CATSPERE: variants seen among roughly 807,000 people sequenced by gnomAD.
The protein encoded by CATSPERE is catsper channel auxiliary subunit epsilon.
In CATSPERE, 93 loss-of-function variants were observed where a neutral mutation model predicts 114.1. The ratio of observed to expected loss-of-function variants is 0.81; its 90% CI spans 0.69 to 0.97. CATSPERE has a LOEUF of 0.97. Among genes scored for constraint, CATSPERE ranks in the 50% least tolerant of loss-of-function variants. The pLI is 0.00. For synonymous variants in CATSPERE, 341 were observed against 384.1 expected (o/e 0.89, Z 1.31); for missense variants, 1,058 against 1,131.6 (o/e 0.93, Z 0.93).
At chr1:244,488,095 A>G (rs773810825) in intron 5 of CATSPERE, among the ~76,000 whole-genome samples, 12 of 152,306 alleles carry the variant, frequency 7.9e-5, no homozygotes, top group Middle Eastern at 6.8e-3. Flanking sequence ...AAAAGGGAAA[A>G]GGATCCATGG....
At chr1:244,477,738 G>A (rs959259273) in intron 3 of CATSPERE, 124 bp downstream of exon 3, 1 of 951,790 alleles carries the variant, frequency 1.1e-6, no homozygotes, top group East Asian at 2.5e-5. Flanking sequence ...GATGTGAAAA[G>A]CAAGACAAAA....
intron 8 of CATSPERE, among the ~76,000 whole-genome samples, chr1:244,536,233 G>C (rs533077607): frequency 2.0e-5 from 3 of 151,882 alleles, no homozygotes; most frequent in African/African-American, 2.4e-5. Context: ...TTGGGGAGGG[G>C]TGGCACAAGC....
intron 9 of CATSPERE, among the ~76,000 whole-genome samples, chr1:244,558,657 C>T (rs1390881600): frequency 2.6e-5 from 4 of 152,152 alleles, no homozygotes; most frequent in Non-Finnish European, 5.9e-5. Context: ...AACTTAGCTT[C>T]CAGCTTTTTG....
chr1:244,479,795 C>A lies in CATSPERE; in HGVS notation c.326+11C>A. 1.3e-6 allele frequency: 2 copies of A among 1,484,568 alleles called. No individual in the cohort carries two copies. Among genetic ancestry groups the A allele is most frequent in the Non-Finnish European group, 1.9e-6 (2 of 1,075,610 alleles). 92.0% of individuals were successfully genotyped at this position (1,484,568 alleles called of 1,614,324 possible). A position where few individuals can be genotyped will look rare whatever the true frequency, so the allele number is the denominator to read the frequency against. Reference sequence around the variant, plus strand: ...GTACTATAGAGTTAGGTAAGTAATGCAGTACTGAATAGGTAATTATGCTTT... The same window carrying A: ...GTACTATAGAGTTAGGTAAGTAATGAAGTACTGAATAGGTAATTATGCTTT... On this transcript the variant is annotated intron_variant, in intron 5 of 21. Coordinates refer to ENST00000366534, the MANE Select transcript of CATSPERE (RefSeq NM_001130957.2).
chr1:244,520,253 T>G (rs1008013137), intron 8 of CATSPERE, among the ~76,000 whole-genome samples: 1 of 152,220 alleles, frequency 6.6e-6, no homozygotes, highest in Admixed American at 6.5e-5. Context: ...TAGTGTTCGC[T>G]CTTACATTTA....
chr1:244,476,542 C>T (rs189693285), intron 2 of CATSPERE, among the ~76,000 whole-genome samples: 118 of 152,160 alleles, frequency 7.8e-4, no homozygotes, highest in African/African-American at 2.4e-3. Flanking sequence ...TCTTCTTATA[C>T]ACTATCCTAT....
intron 6 of CATSPERE, among the ~76,000 whole-genome samples, chr1:244,495,008 A>G (rs930537132): frequency 1.3e-5 from 2 of 152,214 alleles, no homozygotes; most frequent in African/African-American, 2.4e-5. Context: ...GAAGTAGAAT[A>G]TATATTACAG....
At chr1:244,508,871 C>T (rs1299229814) in intron 7 of CATSPERE, among the ~76,000 whole-genome samples, 2 of 149,974 alleles carry the variant, frequency 1.3e-5, no homozygotes, top group Non-Finnish European at 3.0e-5. Flanking sequence ...CATAGTAGCA[C>T]GTGCCTGTAG....
chr1:244,523,977 GA>G (rs1678071481), intron 8 of CATSPERE, among the ~76,000 whole-genome samples: 1 of 147,256 alleles, frequency 6.8e-6, no homozygotes, highest in South Asian at 2.1e-4. Flanking sequence ...CACAGAATTG[GA>G]AAAAACTACT....
upstream of CATSPERE, among the ~76,000 whole-genome samples, chr1:244,458,260 G>A (rs1032681052): frequency 6.6e-6 from 1 of 152,090 alleles, no homozygotes; most frequent in Non-Finnish European, 1.5e-5. Context: ...TATGTTATTG[G>A]TATGTGTTCC....
intron 8 of CATSPERE, among the ~76,000 whole-genome samples, chr1:244,539,250 G>C (rs945212986): frequency 2.0e-5 from 3 of 149,718 alleles, no homozygotes; most frequent in Non-Finnish European, 3.0e-5. Context: ...TTTGTCTTTG[G>C]TTCTGTTTAT....
At chr1:244,500,170 C>A (rs965796840) in intron 7 of CATSPERE, among the ~76,000 whole-genome samples, 3 of 152,100 alleles carry the variant, frequency 2.0e-5, no homozygotes, top group African/African-American at 7.2e-5. Flanking sequence ...TGCTTATATC[C>A]TTTGCCCACT....
chr1:244,474,663 T>G (rs188951274), intron 2 of CATSPERE, among the ~76,000 whole-genome samples: 2 of 151,938 alleles, frequency 1.3e-5, no homozygotes, highest in Admixed American at 1.3e-4. Flanking sequence ...GGATTTTCTG[T>G]GCCTATCTTT....
chr1:244,475,736 C>T (rs974778123), intron 2 of CATSPERE, among the ~76,000 whole-genome samples: 5 of 150,236 alleles, frequency 3.3e-5, no homozygotes, highest in Non-Finnish European at 7.4e-5. Flanking sequence ...GGGGTTTCAC[C>T]ATGTTGGCCA....
At chr1:244,547,332 C>T (rs1437406014) in intron 8 of CATSPERE, among the ~76,000 whole-genome samples, 1 of 152,068 alleles carries the variant, frequency 6.6e-6, no homozygotes, top group Admixed American at 6.6e-5. Context: ...AAAAGGAGTG[C>T]ATTGAGCTGA....
At chr1:244,563,856 C>T (rs577388769) in intron 10 of CATSPERE, among the ~76,000 whole-genome samples, 2 of 152,034 alleles carry the variant, frequency 1.3e-5, no homozygotes, top group East Asian at 1.9e-4. Flanking sequence ...AATGGTATTG[C>T]CTAGGTTTTC....
At chr1:244,513,903 A>G (rs1320091603) in intron 7 of CATSPERE, among the ~76,000 whole-genome samples, 1 of 152,094 alleles carries the variant, frequency 6.6e-6, no homozygotes, top group Non-Finnish European at 1.5e-5. Flanking sequence ...GAGCAAATTG[A>G]TCCCTGTGCT....
chr1:244,524,779 C>A (rs918249684), intron 8 of CATSPERE, among the ~76,000 whole-genome samples: 15 of 147,486 alleles, frequency 1.0e-4, no homozygotes, highest in African/African-American at 3.7e-4. Context: ...CAAATCAAAA[C>A]CACAATGAGA....
rs1197934781 is a variant in CATSPERE at position 244,621,307 on chromosome 1, ATATATAAAATATATAT to A, written c.2648+3622_2648+3637del. ...TAGATATATCTATATAAATATATAA[ATATATAAAATATATAT>A]ATATATATATATATATATATATTCC... On this transcript the variant is annotated intron_variant, in intron 20 of 21. Coordinates refer to ENST00000366534, the MANE Select transcript of CATSPERE (RefSeq NM_001130957.2). Among the ~76,000 whole-genome samples, 82 of 52,332 alleles carry A rather than the reference ATATATAAAATATATAT, an allele frequency of 1.6e-3. 10 individuals are homozygous for A. The highest frequency in any genetic ancestry group is 6.8e-3 in the African/African-American group (82 of 11,972). 34.3% of individuals were successfully genotyped at this position (52,332 alleles called of 152,430 possible). A position where few individuals can be genotyped will look rare whatever the true frequency, so the allele number is the denominator to read the frequency against.
Sources: allele counts gnomAD v4.1 joint callset (sites outside exome capture counted in the v4.1 genomes callset), GRCh38; gene constraint gnomAD v4.1.1; transcripts MANE v1.5; gene names NCBI Gene and HGNC (gene_info 2026-07-23, HGNC 2026-07-21).